Variants in PIP4P2 observed in about 807,000 individuals in gnomAD.
PIP4P2 encodes the protein type 2 phosphatidylinositol 4,5-bisphosphate 4-phosphatase.
PIP4P2 carries 19 observed loss-of-function variants against 33.3 expected under a neutral mutation model. The observed-to-expected ratio is 0.57, with a 90% CI of 0.40 to 0.84. PIP4P2 has a LOEUF of 0.84. Among genes scored for constraint, PIP4P2 ranks in the 40% least tolerant of loss-of-function variants. PIP4P2 has a pLI of 0.00. For missense variants in PIP4P2, 270 were observed against 324.7 expected (o/e 0.83, Z 1.29); for synonymous variants, 110 against 111.9 (o/e 0.98, Z 0.11).
chr8:91,030,124 C>T (rs1812142811), intron 1 of PIP4P2, among the ~76,000 whole-genome samples: 1 of 151,368 alleles, frequency 6.6e-6, no homozygotes, highest in African/African-American at 2.4e-5. Context: ...TTAAGAATCC[C>T]TTTCCTACTC....
chr8:91,006,173 T>C (rs1280250148), intron 5 of PIP4P2, among the ~76,000 whole-genome samples: 1 of 152,204 alleles, frequency 6.6e-6, no homozygotes, highest in Non-Finnish European at 1.5e-5. Flanking sequence ...ATCATTTTGC[T>C]CTGAAGGAAA....
At chr8:91,031,430 G>A (rs1208547459) in intron 1 of PIP4P2, among the ~76,000 whole-genome samples, 2 of 152,112 alleles carry the variant, frequency 1.3e-5, no homozygotes, top group African/African-American at 4.8e-5. Context: ...ACAATAAAAT[G>A]TCATATTGTA....
intron 5 of PIP4P2, among the ~76,000 whole-genome samples, chr8:90,997,629 T>A (rs545597983): frequency 6.6e-6 from 1 of 152,234 alleles, no homozygotes; most frequent in African/African-American, 2.4e-5. Context: ...AGTAGCCAAA[T>A]TAGCACTTTC....
chr8:91,025,554 C>T (rs918204758), intron 1 of PIP4P2, among the ~76,000 whole-genome samples: 6 of 152,140 alleles, frequency 3.9e-5, no homozygotes, highest in African/African-American at 1.2e-4. Context: ...TTCCTTTATA[C>T]GTCTCCTCAA....
At chr8:91,025,242 C>T (rs1812067459) in intron 1 of PIP4P2, among the ~76,000 whole-genome samples, 1 of 152,046 alleles carries the variant, frequency 6.6e-6, no homozygotes, top group African/African-American at 2.4e-5. Flanking sequence ...ACAGTAAAAA[C>T]TTCAGAGAAA....
At chr8:91,019,138 A>G (rs1350685822) in intron 3 of PIP4P2, among the ~76,000 whole-genome samples, 1 of 152,144 alleles carries the variant, frequency 6.6e-6, no homozygotes, top group Non-Finnish European at 1.5e-5. Context: ...GGTACTGGGC[A>G]TGAGCGAATA....
At chr8:91,029,061 G>A (rs147987355) in intron 1 of PIP4P2, among the ~76,000 whole-genome samples, 1 of 152,226 alleles carries the variant, frequency 6.6e-6, no homozygotes, top group African/African-American at 2.4e-5. Context: ...GGGAGACCAA[G>A]GTGGACAGAT....
At chr8:91,000,119 T>C (rs1006271964) in intron 5 of PIP4P2, among the ~76,000 whole-genome samples, 2 of 152,056 alleles carry the variant, frequency 1.3e-5, no homozygotes, top group African/African-American at 2.4e-5. Flanking sequence ...AAGTCAATTA[T>C]TAAATCCATC....
At chr8:91,027,222 T>C (rs535391545) in intron 1 of PIP4P2, among the ~76,000 whole-genome samples, 22 of 152,350 alleles carry the variant, frequency 1.4e-4, no homozygotes, top group Admixed American at 1.4e-3. Flanking sequence ...GGGGCATTGA[T>C]TGCAAATAAG....
chr8:90,998,906 A>C (rs1266263270), intron 5 of PIP4P2, among the ~76,000 whole-genome samples: 3 of 152,112 alleles, frequency 2.0e-5, no homozygotes, highest in Non-Finnish European at 4.4e-5. Context: ...CTGCAACAAA[A>C]GCAAAAATGA....
chr8:91,003,952 T>TAGAC (rs1811733131), intron 5 of PIP4P2, among the ~76,000 whole-genome samples: 3 of 57,356 alleles, frequency 5.2e-5, no homozygotes, highest in African/African-American at 1.9e-4. Flanking sequence ...CAACAGGAGA[T>TAGAC]AGATAGATAG....
intron 1 of PIP4P2, among the ~76,000 whole-genome samples, chr8:91,030,145 A>C (rs1259280280): frequency 6.6e-6 from 1 of 151,636 alleles, no homozygotes; most frequent in Non-Finnish European, 1.5e-5. Flanking sequence ...ATCTACCTAT[A>C]GGAAGAAAAA....
At chr8:91,038,805 T>G (rs1053984535) in intron 1 of PIP4P2, among the ~76,000 whole-genome samples, 1 of 152,220 alleles carries the variant, frequency 6.6e-6, no homozygotes, top group African/African-American at 2.4e-5. Context: ...TCTCTAATCA[T>G]CTAACCTGTC....
chr8:91,015,673 T>C (rs1490216700), intron 4 of PIP4P2, among the ~76,000 whole-genome samples: 1 of 152,210 alleles, frequency 6.6e-6, no homozygotes, highest in Non-Finnish European at 1.5e-5. Flanking sequence ...GCCAGCAGTT[T>C]TGCCACAAGA....
At chr8:90,997,368 T>C (rs1289274442) in intron 5 of PIP4P2, among the ~76,000 whole-genome samples, 1 of 152,098 alleles carries the variant, frequency 6.6e-6, no homozygotes, top group Admixed American at 6.6e-5. Context: ...TAAAGTATCT[T>C]CATTATTATA....
intron 3 of PIP4P2, 138 bp downstream of exon 3, chr8:91,020,019 A>C (rs940503045): frequency 1.9e-5 from 15 of 776,322 alleles, no homozygotes; most frequent in Non-Finnish European, 3.0e-5. Context: ...TTCCTTTAAC[A>C]AAAAAATAAT....
chr8:91,028,710 G>T (rs1812117611), intron 1 of PIP4P2, among the ~76,000 whole-genome samples: 1 of 152,122 alleles, frequency 6.6e-6, no homozygotes, highest in Non-Finnish European at 1.5e-5. Flanking sequence ...CACATCCCTG[G>T]GGAAATTTCA....
chr8:91,034,357 T>C (rs999669320), intron 1 of PIP4P2, among the ~76,000 whole-genome samples: 5 of 152,136 alleles, frequency 3.3e-5, no homozygotes, highest in African/African-American at 1.2e-4. Context: ...GCCTGATGCC[T>C]ACAGAATAAT....
rs1293674133 is a variant in PIP4P2, at chr8:91,040,746, C to T, written c.4G>A (p.Ala2Thr). ...GAGCGTTCGTCCACCCCATCAGCAG[C>T]CATGACTGCGGCAGCGGCGGGGCCT... MAADGVDERSPL... is the reference protein window; with the variant it reads MTADGVDERSPL... The change falls in exon 1 of 7, where the codon GCT becomes ACT. Residue 2 changes from alanine (A) to threonine (T), a missense_variant. Coordinates refer to ENST00000285419, the MANE Select transcript of PIP4P2 (RefSeq NM_018710.3). The T allele has an allele frequency of 1.9e-6, 3 of 1,611,810 alleles. No individual in the cohort carries two copies.
Sources: gnomAD v4.1 joint callset for allele counts (sites outside exome capture counted in the v4.1 genomes callset) on GRCh38, gnomAD v4.1.1 for gene constraint, MANE v1.5 for transcripts, NCBI Gene and HGNC (gene_info 2026-07-23, HGNC 2026-07-21) for gene names.